The following MBNL2 variants were observed in gnomAD, a reference collection of about 807,000 sequenced individuals.
The protein encoded by MBNL2 is muscleblind-like protein 2.
A neutral mutation model predicts 41.9 loss-of-function variants in MBNL2; 17 were observed. The ratio of observed to expected loss-of-function variants is 0.41; its 90% CI spans 0.28 to 0.61. MBNL2 has a LOEUF of 0.61. MBNL2 is among the 20% of genes least tolerant of loss of function. The pLI is 0.35. For synonymous variants in MBNL2, 195 were observed against 182.9 expected (o/e 1.07, Z -0.53); for missense variants, 336 against 505.6 (o/e 0.66, Z 3.22).
the MBNL2 span, among the ~76,000 whole-genome samples, chr13:97,173,255 T>C: frequency 4.6e-5 from 7 of 152,208 alleles, no homozygotes; most frequent in African/African-American, 7.2e-5. Context: ...CTGAGAGGAA[T>C]TGGAAGTTAC....
At chr13:97,230,379 A>G (rs1232014673) in intron 1 of MBNL2, among the ~76,000 whole-genome samples, 1 of 152,158 alleles carries the variant, frequency 6.6e-6, no homozygotes, top group Non-Finnish European at 1.5e-5. Context: ...GAGTTTTTAG[A>G]CTTGAGAATG....
At chr13:97,228,300 T>G (rs943015206) in intron 1 of MBNL2, among the ~76,000 whole-genome samples, 4 of 152,006 alleles carry the variant, frequency 2.6e-5, no homozygotes, top group Non-Finnish European at 5.9e-5. Flanking sequence ...CCAAGCTGTA[T>G]AGGTAGGTGA....
the MBNL2 span, among the ~76,000 whole-genome samples, chr13:97,187,614 A>AAAAAAG: frequency 7.2e-6 from 1 of 139,760 alleles, no homozygotes; most frequent in Non-Finnish European, 1.6e-5. Flanking sequence ...AAAAAAAAAA[A>AAAAAAG]AAAAAAAAAG....
intron 2 of MBNL2, among the ~76,000 whole-genome samples, chr13:97,284,719 A>T (rs1203042367): frequency 1.3e-5 from 2 of 152,212 alleles, no homozygotes; most frequent in Non-Finnish European, 2.9e-5. Context: ...GGCAAGAGAG[A>T]GGAGGCTTGC....
chr13:97,163,565 C>A, the MBNL2 span, among the ~76,000 whole-genome samples: 1 of 152,202 alleles, frequency 6.6e-6, no homozygotes, highest in Non-Finnish European at 1.5e-5. Context: ...AAAACTGTTC[C>A]ACCTGAGCAG....
chr13:97,158,704 T>C, the MBNL2 span, among the ~76,000 whole-genome samples: 4 of 151,960 alleles, frequency 2.6e-5, no homozygotes, highest in East Asian at 1.9e-4. Context: ...AGTTGAGCGG[T>C]TTTGAGTGAG....
chr13:97,171,486 C>T, the MBNL2 span, among the ~76,000 whole-genome samples: 1 of 152,200 alleles, frequency 6.6e-6, no homozygotes, highest in Non-Finnish European at 1.5e-5. Context: ...TTTGAAGCTA[C>T]CTAAATATAT....
chr13:97,188,161 G>T, the MBNL2 span, among the ~76,000 whole-genome samples: 3 of 152,088 alleles, frequency 2.0e-5, no homozygotes, highest in South Asian at 2.1e-4. Flanking sequence ...AGGTACTTGG[G>T]CTGACAAATG....
At chr13:97,309,061 G>A (rs997317556) in intron 2 of MBNL2, among the ~76,000 whole-genome samples, 3 of 152,142 alleles carry the variant, frequency 2.0e-5, no homozygotes, top group Admixed American at 2.0e-4. Context: ...AAAAGTGTGG[G>A]TGTGTTTGGA....
chr13:97,342,085 T>G lies in MBNL2; in HGVS notation c.340-931T>G, dbSNP rs1387215006. On this transcript the variant is annotated intron_variant, in intron 3 of 8. Coordinates refer to ENST00000679496, the MANE Select transcript of MBNL2 (RefSeq NM_001382683.1). ...TTCAGGTCCAATTTGGTGTACAATTTATTCTAAGAAAAATCTTTAGAATTT... is the reference window on the plus strand; with the variant it reads ...TTCAGGTCCAATTTGGTGTACAATTGATTCTAAGAAAAATCTTTAGAATTT... 5.3e-5 allele frequency among the ~76,000 whole-genome samples: 8 copies of G among 152,252 alleles called. No homozygotes were observed. The East Asian group carries it at 1.5e-3, about 29-fold the overall frequency.
intron 1 of MBNL2, among the ~76,000 whole-genome samples, chr13:97,225,415 G>A (rs1308198482): frequency 6.6e-6 from 1 of 152,124 alleles, no homozygotes; most frequent in East Asian, 1.9e-4. Context: ...ATAGAAATAG[G>A]TTGGCAACAT....
intron 2 of MBNL2, among the ~76,000 whole-genome samples, chr13:97,278,606 T>A (rs1316138146): frequency 6.6e-6 from 1 of 152,114 alleles, no homozygotes; most frequent in Non-Finnish European, 1.5e-5. Flanking sequence ...GAATAAAGGG[T>A]CATGAATCAT....
chr13:97,297,051 CA>C (rs1478076754), intron 2 of MBNL2, among the ~76,000 whole-genome samples: 1 of 152,188 alleles, frequency 6.6e-6, no homozygotes, highest in Non-Finnish European at 1.5e-5. Context: ...CATGTGGTAC[CA>C]TTGAAAGAGA....
At chr13:97,195,877 A>G in the MBNL2 span, among the ~76,000 whole-genome samples, 5 of 152,178 alleles carry the variant, frequency 3.3e-5, no homozygotes, top group African/African-American at 1.2e-4. Flanking sequence ...TGGTACAGCA[A>G]GTGTTGCTGT....
At chr13:97,325,951 A>C (rs1314126753) in intron 2 of MBNL2, among the ~76,000 whole-genome samples, 1 of 150,952 alleles carries the variant, frequency 6.6e-6, no homozygotes. Context: ...TCTACTCCCA[A>C]AGCACCTGTG....
intron 8 of MBNL2, among the ~76,000 whole-genome samples, chr13:97,372,033 T>TC (rs1015190822): frequency 6.6e-6 from 1 of 151,832 alleles, no homozygotes; most frequent in African/African-American, 2.4e-5. Flanking sequence ...AAGGAAAGAG[T>TC]CCCCTCAGGT....
intron 3 of MBNL2, among the ~76,000 whole-genome samples, chr13:97,340,805 T>C (rs2061386735): frequency 6.6e-6 from 1 of 152,244 alleles, no homozygotes; most frequent in Admixed American, 6.5e-5. Flanking sequence ...GACATTGATT[T>C]TAGACTATGA....
At chr13:97,161,913 G>T in the MBNL2 span, among the ~76,000 whole-genome samples, 5 of 152,184 alleles carry the variant, frequency 3.3e-5, no homozygotes, top group Middle Eastern at 3.2e-3. Context: ...GAGTACATCT[G>T]TGTCAGTCCA....
upstream of MBNL2, among the ~76,000 whole-genome samples, chr13:97,218,883 C>T (rs773349693): frequency 3.3e-5 from 5 of 151,230 alleles, 1 homozygote; most frequent in Admixed American, 1.3e-4. Flanking sequence ...CCGTGTGCCA[C>T]GAACATACTA....
Sources: gnomAD v4.1 joint callset for allele counts (sites outside exome capture counted in the v4.1 genomes callset) on GRCh38, gnomAD v4.1.1 for gene constraint, MANE v1.5 for transcripts, NCBI Gene and HGNC (gene_info 2026-07-23, HGNC 2026-07-21) for gene names.